The following PBX1 variants were observed in gnomAD, a reference collection of about 807,000 sequenced individuals.
The protein encoded by PBX1 is PBX homeobox 1.
In PBX1, 6 loss-of-function variants were observed where a neutral mutation model predicts 53.4. That is an observed-to-expected ratio of 0.11 (90% CI 0.06 to 0.22). PBX1 has a LOEUF of 0.22. PBX1 is among the 10% of genes least tolerant of loss of function. The pLI, the probability that PBX1 is intolerant of heterozygous loss-of-function variation, is 1.00. For missense variants in PBX1, 251 were observed against 551.4 expected, an observed-to-expected ratio of 0.46 and a Z score of 5.46; for synonymous variants, 204 against 212.3, an observed-to-expected ratio of 0.96 and a Z score of 0.34.
intron 8 of PBX1, among the ~76,000 whole-genome samples, chr1:164,842,512 T>A (rs192084854): frequency 2.2e-4 from 34 of 152,320 alleles, no homozygotes; most frequent in African/African-American, 8.2e-4. Flanking sequence ...TTTCTTATCT[T>A]GGGAACCTGC....
At chr1:164,874,928 T>C (rs1390215915) in intron 2 of PBX1, among the ~76,000 whole-genome samples, 1 of 152,126 alleles carries the variant, frequency 6.6e-6, no homozygotes, top group Non-Finnish European at 1.5e-5. Flanking sequence ...GCAAGAAGCT[T>C]TTTCCTCAAA....
At position 164,636,505 on chromosome 1, in the gene PBX1, A is replaced by C. The variant is rs544600994; in HGVS notation, c.265+73194A>C. On this transcript the variant is annotated intron_variant, in intron 2 of 8. Coordinates refer to ENST00000420696, the MANE Select transcript of PBX1 (RefSeq NM_002585.4). ...CTTTTTCCCTTTCACCAGAGTTGGAACGTGAAGCACAGTTTCTACTTGCTG... is the reference window on the plus strand; with the variant it reads ...CTTTTTCCCTTTCACCAGAGTTGGACCGTGAAGCACAGTTTCTACTTGCTG... Among the ~76,000 whole-genome samples the C allele has an allele frequency of 3.9e-5, 6 of 152,264 alleles. No individual in the cohort carries two copies. In the South Asian group the frequency reaches 1.0e-3, roughly 26 times the overall value.
chr1:164,741,050 T>C (rs1665575970), intron 2 of PBX1, among the ~76,000 whole-genome samples: 1 of 152,256 alleles, frequency 6.6e-6, no homozygotes, highest in African/African-American at 2.4e-5. Context: ...TTTTATTTAG[T>C]AATTGATTTT....
chr1:164,814,432 C>A (rs1204771675), intron 6 of PBX1: 2 of 152,044 alleles, frequency 1.3e-5, no homozygotes, highest in African/African-American at 4.8e-5. Flanking sequence ...TATAAGTACT[C>A]ATTTCTATTG....
intron 2 of PBX1, among the ~76,000 whole-genome samples, chr1:164,649,078 G>A (rs573370861): frequency 6.6e-6 from 1 of 151,988 alleles, no homozygotes; most frequent in African/African-American, 2.4e-5. Flanking sequence ...ATTTTCAGGG[G>A]GTCCATGCTA....
At chr1:164,811,947 G>T in intron 5 of PBX1, 43 bp from the exon 6 acceptor site, 1 of 1,547,252 alleles carries the variant, frequency 6.5e-7, no homozygotes, top group African/African-American at 1.4e-5. Context: ...TGTTTCTGAA[G>T]GATGAAATGT....
chr1:164,858,192 A>G (rs895479118), intron 2 of PBX1, among the ~76,000 whole-genome samples: 1 of 151,988 alleles, frequency 6.6e-6, no homozygotes, highest in African/African-American at 2.4e-5. Context: ...TATTTTGTTT[A>G]CAAAAATTAC....
chr1:164,653,216 C>T (rs763601276), intron 2 of PBX1, among the ~76,000 whole-genome samples: 20 of 152,036 alleles, frequency 1.3e-4, no homozygotes, highest in Non-Finnish European at 2.1e-4. Flanking sequence ...CTTTTGTACC[C>T]GGCTTTTACT....
chr1:164,725,564 C>T (rs1253902412), intron 2 of PBX1, among the ~76,000 whole-genome samples: 1 of 152,132 alleles, frequency 6.6e-6, no homozygotes, highest in East Asian at 1.9e-4. Context: ...GTTTCAGCCA[C>T]TGGTGGTTTG....
intron 2 of PBX1, among the ~76,000 whole-genome samples, chr1:164,686,297 C>T (rs1433737707): frequency 6.6e-6 from 1 of 152,178 alleles, no homozygotes; most frequent in Non-Finnish European, 1.5e-5. Context: ...AAACTGTTCA[C>T]CCATTTCCCA....
chr1:164,835,866 TA>T (rs1294102233), intron 8 of PBX1, among the ~76,000 whole-genome samples: 6 of 152,148 alleles, frequency 3.9e-5, no homozygotes, highest in African/African-American at 1.4e-4. Context: ...TTAAAATAAA[TA>T]AATTAATTAA....
chr1:164,749,221 A>C (rs1431789287), intron 2 of PBX1, among the ~76,000 whole-genome samples: 1 of 152,230 alleles, frequency 6.6e-6, no homozygotes. Flanking sequence ...ATCTATTTGC[A>C]TATATAATAT....
intron 2 of PBX1, among the ~76,000 whole-genome samples, chr1:164,633,194 A>T (rs1658522240): frequency 6.6e-6 from 1 of 151,462 alleles, no homozygotes; most frequent in Non-Finnish European, 1.5e-5. Flanking sequence ...CTGTTGCCCA[A>T]GCTGGAGTGC....
chr1:164,714,658 A>T (rs1046903129), intron 2 of PBX1, among the ~76,000 whole-genome samples: 1 of 152,204 alleles, frequency 6.6e-6, no homozygotes, highest in African/African-American at 2.4e-5. Flanking sequence ...CTCAATAACA[A>T]TTCATATTAA....
At chr1:164,569,351 A>G (rs1301137356) in intron 2 of PBX1, among the ~76,000 whole-genome samples, 3 of 152,102 alleles carry the variant, frequency 2.0e-5, no homozygotes, top group African/African-American at 7.2e-5. Context: ...TGTGAGGTTA[A>G]ATAAGGTGAT....
intron 2 of PBX1, among the ~76,000 whole-genome samples, chr1:164,754,316 A>G (rs1430418947): frequency 6.6e-6 from 1 of 152,200 alleles, no homozygotes; most frequent in Non-Finnish European, 1.5e-5. Flanking sequence ...ACGTTTTAGA[A>G]CATGAGAAAG....
chr1:164,723,106 C>T (rs771116501), intron 2 of PBX1, among the ~76,000 whole-genome samples: 2 of 152,162 alleles, frequency 1.3e-5, no homozygotes, highest in Non-Finnish European at 2.9e-5. Context: ...GGAACTTGTA[C>T]TGATTGAGCA....
Position 164,723,288 on chromosome 1 carries a change from G to A in PBX1, c.266-69206G>A, listed in dbSNP as rs115392991. Reference sequence around the variant, plus strand: ...AAGAAGCCAAAGAGAGGGAAGAGAGGCACAGTGCAGAGGAGTTTCTTGGGC... The same window carrying A: ...AAGAAGCCAAAGAGAGGGAAGAGAGACACAGTGCAGAGGAGTTTCTTGGGC... On this transcript the variant is annotated intron_variant, in intron 2 of 8. Transcript: ENST00000420696. Among the ~76,000 whole-genome samples, 565 of 152,248 alleles carry A rather than the reference G, an allele frequency of 3.7e-3. 3 individuals are homozygous for A. The highest frequency in any genetic ancestry group is 6.0e-3 in the Non-Finnish European group (410 of 68,018).
chr1:164,563,700 G>T (rs1653223281), intron 2 of PBX1, among the ~76,000 whole-genome samples: 1 of 152,128 alleles, frequency 6.6e-6, no homozygotes, highest in Non-Finnish European at 1.5e-5. Context: ...GGGTGTGGGG[G>T]TGCTAAACTG....
Sources: gnomAD v4.1 joint callset for allele counts (sites outside exome capture counted in the v4.1 genomes callset) on GRCh38, gnomAD v4.1.1 for gene constraint, MANE v1.5 for transcripts, NCBI Gene and HGNC (gene_info 2026-07-23, HGNC 2026-07-21) for gene names.